Variants in MROH1 observed in about 807,000 individuals in gnomAD.
The protein encoded by MROH1 is maestro heat-like repeat-containing protein family member 1.
MROH1 carries 117 observed loss-of-function variants against 116.5 expected under a neutral mutation model. The ratio of observed to expected loss-of-function variants is 1.00; its 90% CI spans 0.86 to 1.17. MROH1 has a LOEUF of 1.17. Among genes scored for constraint, MROH1 ranks in the 50% most tolerant of loss-of-function variants. The pLI is 0.00. For missense variants in MROH1, 1,873 were observed against 1,338.5 expected (o/e 1.40, Z -6.23); for synonymous variants, 921 against 583.9 (o/e 1.58, Z -8.32).
chr8:144,259,154 G>T (rs1844488764), intron 36 of MROH1, 86 bp from the exon 37 acceptor site: 5 of 698,892 alleles, frequency 7.2e-6, no homozygotes, highest in South Asian at 5.9e-5. Context: ...GCGGTGGAGC[G>T]GACCAGGGCT....
chr8:144,217,843 G>A (rs1835604124), intron 12 of MROH1, among the ~76,000 whole-genome samples: 1 of 152,172 alleles, frequency 6.6e-6, no homozygotes, highest in South Asian at 2.1e-4. Context: ...TATCCAGTAG[G>A]GCATTGTCAG....
chr8:144,211,268 G>A (rs754662256), intron 12 of MROH1, among the ~76,000 whole-genome samples: 1 of 152,214 alleles, frequency 6.6e-6, no homozygotes, highest in Non-Finnish European at 1.5e-5. Context: ...TTGAACGTCA[G>A]TCTTAGCAGC....
At chr8:144,212,149 A>ACACGGCTCACTGCAAC (rs960968179) in intron 12 of MROH1, among the ~76,000 whole-genome samples, 2 of 151,896 alleles carry the variant, frequency 1.3e-5, no homozygotes, top group African/African-American at 2.4e-5. Context: ...AGCGGCTCAA[A>ACACGGCTCACTGCAAC]CACGGCTCAC....
chr8:144,176,627 G>T (rs1246342623), intron 4 of MROH1, among the ~76,000 whole-genome samples: 2 of 151,430 alleles, frequency 1.3e-5, no homozygotes, highest in Non-Finnish European at 2.9e-5. Context: ...GGATCACAAG[G>T]TCAGGAGCCT....
At chr8:144,160,622 A>G (rs1410170942) in intron 1 of MROH1, among the ~76,000 whole-genome samples, 1 of 152,006 alleles carries the variant, frequency 6.6e-6, no homozygotes, top group Non-Finnish European at 1.5e-5. Flanking sequence ...TCTTGGAGTC[A>G]GAAGTCTACC....
chr8:144,196,684 T>C (rs1303724258), intron 10 of MROH1, among the ~76,000 whole-genome samples: 1 of 152,096 alleles, frequency 6.6e-6, no homozygotes, highest in Non-Finnish European at 1.5e-5. Context: ...TTAATCTGTC[T>C]GGGATTTATT....
chr8:144,203,292 T>G (rs1225196095), intron 12 of MROH1, among the ~76,000 whole-genome samples: 1 of 25,882 alleles, frequency 3.9e-5, no homozygotes, highest in Non-Finnish European at 7.2e-5. Flanking sequence ...GTGGAGGGGC[T>G]GGGAAGGAAG....
intron 14 of MROH1, among the ~76,000 whole-genome samples, chr8:144,235,383 G>A (rs987238061): frequency 1.3e-5 from 2 of 152,074 alleles, no homozygotes; most frequent in Admixed American, 1.3e-4. Flanking sequence ...CAGCTAGAAC[G>A]TCCAATACTG....
At position 144,156,559 on chromosome 8, in the gene MROH1, A is replaced by C. The variant is rs947259610; in HGVS notation, c.-176-4411A>C. 9.3e-3 allele frequency among the ~76,000 whole-genome samples: 1,407 copies of C among 151,334 alleles called. 22 individuals carry two copies. The highest frequency in any genetic ancestry group is 0.033 in the African/African-American group (1,354 of 41,362). Reference sequence around the variant, plus strand: ...CCATCTCTCCTAAAAAAATACAAAAATTAGCCAGGCGTGATGGTGTGTGCC... The same window carrying C: ...CCATCTCTCCTAAAAAAATACAAAACTTAGCCAGGCGTGATGGTGTGTGCC... On this transcript the variant is annotated intron_variant, in intron 1 of 43. Coordinates refer to ENST00000326134, the MANE Select transcript of MROH1 (RefSeq NM_032450.3).
At chr8:144,244,844 TG>T (rs1254367773) in intron 28 of MROH1, among the ~76,000 whole-genome samples, 1 of 152,046 alleles carries the variant, frequency 6.6e-6, no homozygotes, top group Non-Finnish European at 1.5e-5. Flanking sequence ...GGTGCTAGGG[TG>T]GGGCCGACCC....
At chr8:144,206,961 C>G (rs1425638862) in intron 12 of MROH1, among the ~76,000 whole-genome samples, 1 of 149,492 alleles carries the variant, frequency 6.7e-6, no homozygotes, top group African/African-American at 2.5e-5. Flanking sequence ...TGAACCCGGG[C>G]GGCAGAGGTT....
At chr8:144,187,096 CA>C (rs142746653) in intron 7 of MROH1, among the ~76,000 whole-genome samples, 15,595 of 117,872 alleles carry the variant, frequency 0.13, 1,745 homozygotes, top group African/African-American at 0.34. Flanking sequence ...AGACTGTCTC[CA>C]AAAAAAAAAA....
chr8:144,243,433 T>C (rs1391213029), intron 24 of MROH1, 61 bp from the exon 25 acceptor site: 8 of 770,794 alleles, frequency 1.0e-5, no homozygotes, highest in Non-Finnish European at 1.9e-5. Flanking sequence ...AAAGGGGGTA[T>C]GCGCGGGTTC....
At chr8:144,249,054 G>T in intron 32 of MROH1, 25 bp downstream of exon 32, 1 of 714,110 alleles carries the variant, frequency 1.4e-6, no homozygotes, top group Non-Finnish European at 2.6e-6. Context: ...GGCGCGGGGG[G>T]TGCTCCAGGA....
At chr8:144,234,718 A>T (rs1338311972) in intron 14 of MROH1, among the ~76,000 whole-genome samples, 1 of 145,400 alleles carries the variant, frequency 6.9e-6, no homozygotes, top group South Asian at 2.2e-4. Context: ...GGGTTTCACC[A>T]TGTTGGCCAG....
intron 35 of MROH1, among the ~76,000 whole-genome samples, chr8:144,257,601 A>C (rs1234164871): frequency 1.3e-5 from 2 of 152,038 alleles, no homozygotes; most frequent in Non-Finnish European, 2.9e-5. Flanking sequence ...CTCCTCCTAG[A>C]TCCCACCTGC....
intron 7 of MROH1, among the ~76,000 whole-genome samples, chr8:144,186,239 A>G (rs1456670210): frequency 6.7e-6 from 1 of 149,954 alleles, no homozygotes; most frequent in Non-Finnish European, 1.5e-5. Flanking sequence ...CTCCCACCTC[A>G]GCTCCCAGAG....
In MROH1 at chr8:144,259,098, C is replaced by T. The variant is rs1313072933; in HGVS notation, c.3930-142C>T. ...CCCTGCAGAGGCCTGGCGAGGCAAG[C>T]TGGGAGGCATCTCTGAAACATAGAA... On this transcript the variant is annotated intron_variant, in intron 36 of 43. Transcript: ENST00000326134. 1.2e-5 allele frequency: 8 copies of T among 679,164 alleles called. No individual in the cohort carries two copies. The East Asian group carries it at 1.9e-4, about 16-fold the overall frequency. The allele number at this position is 679,164 out of a possible 1,614,324, so 42.1% of individuals were successfully genotyped here.
intron 4 of MROH1, among the ~76,000 whole-genome samples, chr8:144,170,372 A>T (rs1822136717): frequency 6.6e-6 from 1 of 152,188 alleles, no homozygotes; most frequent in Non-Finnish European, 1.5e-5. Flanking sequence ...TATTATACAC[A>T]TGCTGAGCTG....
Sources: gnomAD v4.1 joint callset for allele counts (sites outside exome capture counted in the v4.1 genomes callset) on GRCh38, gnomAD v4.1.1 for gene constraint, MANE v1.5 for transcripts, NCBI Gene and HGNC (gene_info 2026-07-23, HGNC 2026-07-21) for gene names.